Variants in DCDC2 observed in about 807,000 individuals in gnomAD.
DCDC2 encodes the protein doublecortin domain containing 2.
A neutral mutation model predicts 50.2 loss-of-function variants in DCDC2; 40 were observed. The ratio of observed to expected loss-of-function variants is 0.80; its 90% CI spans 0.62 to 1.04. The LOEUF (loss-of-function observed/expected upper bound fraction) is 1.04, where lower values mean the gene tolerates loss of function less well. DCDC2 is among the 50% of genes least tolerant of loss of function. The pLI, the probability that DCDC2 is intolerant of heterozygous loss-of-function variation, is 0.00. For missense variants in DCDC2, 570 were observed against 581.9 expected, an observed-to-expected ratio of 0.98 and a Z score of 0.21; for synonymous variants, 234 against 210.6, an observed-to-expected ratio of 1.11 and a Z score of -0.96.
At chr6:24,350,216 G>A (rs1187308016) in intron 2 of DCDC2, among the ~76,000 whole-genome samples, 2 of 152,160 alleles carry the variant, frequency 1.3e-5, no homozygotes, top group Non-Finnish European at 2.9e-5. Context: ...AAGGTGACAC[G>A]CACATTCTAG....
chr6:24,288,826 C>A, intron 6 of DCDC2, 26 bp downstream of exon 6: 1 of 1,594,030 alleles, frequency 6.3e-7, no homozygotes, highest in Non-Finnish European at 8.6e-7. Flanking sequence ...TATAGAACAT[C>A]AACGAGGAAA....
intron 2 of DCDC2, among the ~76,000 whole-genome samples, chr6:24,320,195 A>G (rs989849041): frequency 4.6e-5 from 7 of 152,232 alleles, no homozygotes; most frequent in African/African-American, 1.7e-4. Context: ...GTGGATGATG[A>G]GAGTAGGGTT....
chr6:24,226,086 C>G (rs1252750998), intron 7 of DCDC2, among the ~76,000 whole-genome samples: 1 of 152,172 alleles, frequency 6.6e-6, no homozygotes, highest in Non-Finnish European at 1.5e-5. Context: ...TAAAAGATGT[C>G]TAAAACATAA....
At chr6:24,358,859 A>T (rs1202075533), upstream of DCDC2, among the ~76,000 whole-genome samples, 8 of 14,146 alleles carry the variant, frequency 5.7e-4, 1 homozygote, top group Admixed American at 5.8e-3. Flanking sequence ...ATTATATATA[A>T]TATATATAAT....
At chr6:24,193,275 C>G (rs1434241366) in intron 8 of DCDC2, among the ~76,000 whole-genome samples, 2 of 151,878 alleles carry the variant, frequency 1.3e-5, no homozygotes, top group African/African-American at 4.8e-5. Context: ...GAAGGTGTAA[C>G]CAAGATAGAG....
upstream of DCDC2, among the ~76,000 whole-genome samples, chr6:24,360,199 C>G (rs1028992468): frequency 1.3e-5 from 2 of 152,220 alleles, no homozygotes; most frequent in South Asian, 2.1e-4. Flanking sequence ...GTGAACCAGG[C>G]CTGGCTTGCG....
At chr6:24,202,196 C>T (rs1005364689) in intron 8 of DCDC2, among the ~76,000 whole-genome samples, 1 of 152,116 alleles carries the variant, frequency 6.6e-6, no homozygotes, top group Admixed American at 6.6e-5. Context: ...ACATTTCAGG[C>T]CAATATACCT....
At chr6:24,316,296 T>C (rs368332653) in intron 2 of DCDC2, among the ~76,000 whole-genome samples, 2 of 151,820 alleles carry the variant, frequency 1.3e-5, no homozygotes, top group East Asian at 3.9e-4. Context: ...GCAAAGAAAA[T>C]GGTTCAGGAC....
intron 5 of DCDC2, among the ~76,000 whole-genome samples, chr6:24,290,595 G>A (rs563706325): frequency 6.6e-6 from 1 of 152,070 alleles, no homozygotes; most frequent in South Asian, 2.1e-4. Context: ...CAACTATTAA[G>A]ACACAAAAAC....
chr6:24,249,265 C>T (rs1581610914), intron 7 of DCDC2, among the ~76,000 whole-genome samples: 1 of 152,218 alleles, frequency 6.6e-6, no homozygotes, highest in Non-Finnish European at 1.5e-5. Flanking sequence ...ACAATCATAG[C>T]TCTGTGGAGA....
intron 6 of DCDC2, among the ~76,000 whole-genome samples, chr6:24,279,198 C>T (rs1387157894): frequency 1.3e-5 from 2 of 152,226 alleles, no homozygotes; most frequent in African/African-American, 4.8e-5. Context: ...TACTGAGCCA[C>T]TGCTACAGCA....
At chr6:24,244,607 C>G (rs1396188159) in intron 7 of DCDC2, among the ~76,000 whole-genome samples, 1 of 152,228 alleles carries the variant, frequency 6.6e-6, no homozygotes, top group Admixed American at 6.5e-5. Context: ...TCCACCACCT[C>G]CCAGACCTGC....
intron 7 of DCDC2, among the ~76,000 whole-genome samples, chr6:24,253,245 A>C (rs1028569593): frequency 4.6e-5 from 7 of 152,286 alleles, no homozygotes; most frequent in African/African-American, 1.7e-4. Context: ...GTCAAAAGCT[A>C]AACTAATTAT....
chr6:24,359,108 TTA>T (rs1228677403), upstream of DCDC2, among the ~76,000 whole-genome samples: 1 of 62,514 alleles, frequency 1.6e-5, no homozygotes, highest in Admixed American at 3.2e-4. Context: ...ATTTTATATA[TTA>T]TATATTATAT....
intron 8 of DCDC2, among the ~76,000 whole-genome samples, chr6:24,179,683 G>A (rs764073600): frequency 2.8e-5 from 4 of 142,368 alleles, no homozygotes; most frequent in Admixed American, 1.4e-4. Flanking sequence ...GGCCAGGCAC[G>A]GTGGCTTATG....
At chr6:24,225,893 G>C (rs1038934372) in intron 7 of DCDC2, among the ~76,000 whole-genome samples, 1 of 152,114 alleles carries the variant, frequency 6.6e-6, no homozygotes, top group Non-Finnish European at 1.5e-5. Context: ...AAAACAGTCA[G>C]CATATTATAA....
intron 2 of DCDC2, among the ~76,000 whole-genome samples, chr6:24,326,858 CAAA>C (rs550208684): frequency 7.4e-5 from 7 of 94,740 alleles, no homozygotes; most frequent in Non-Finnish European, 6.6e-5. Context: ...GACCCTGTCT[CAAA>C]AAAAAAAAAA....
intron 7 of DCDC2, 160 bp from the exon 8 acceptor site, chr6:24,205,262 C>T (rs1423772866): frequency 1.3e-6 from 2 of 1,561,610 alleles, no homozygotes; most frequent in East Asian, 2.4e-5. Flanking sequence ...CCACACCACC[C>T]CCAGTTGTTC....
intron 8 of DCDC2, among the ~76,000 whole-genome samples, chr6:24,195,466 A>G (rs1761412095): frequency 6.6e-6 from 1 of 152,176 alleles, no homozygotes; most frequent in Admixed American, 6.5e-5. Flanking sequence ...TCACAATGGG[A>G]AGTAAACTTG....
Sources: gnomAD v4.1 joint callset for allele counts (sites outside exome capture counted in the v4.1 genomes callset) on GRCh38, gnomAD v4.1.1 for gene constraint, MANE v1.5 for transcripts, NCBI Gene and HGNC (gene_info 2026-07-23, HGNC 2026-07-21) for gene names.